The following DCC variants were observed in gnomAD, a reference collection of about 807,000 sequenced individuals.
DCC encodes DCC netrin 1 receptor.
Under a neutral mutation model 172.5 loss-of-function variants are expected in DCC, and 58 were observed. The observed-to-expected ratio is 0.34, with a 90% CI of 0.27 to 0.42. DCC has a LOEUF of 0.42. Ranked by LOEUF, DCC falls within the 10% of genes least tolerant of loss-of-function variation. The pLI, the probability that DCC is intolerant of heterozygous loss-of-function variation, is 1.00. For synonymous variants in DCC, 709 were observed against 644.5 expected (o/e 1.10, Z -1.52); for missense variants, 1,740 against 1,791.0 (o/e 0.97, Z 0.51).
In DCC at chr18:53,504,934, T is replaced by G. The variant is rs1020529873; in HGVS notation, c.4111+5424T>G. On this transcript the variant is annotated intron_variant, in intron 27 of 28. Transcript: ENST00000442544. ...TGTTTTTTTGTTTGTTTGTTTGTTT[T>G]TTTAACTAACTTTGAAGATAGATAG... Among the ~76,000 whole-genome samples, 67 of 152,306 alleles carry G rather than the reference T, an allele frequency of 4.4e-4. No homozygotes were observed. The East Asian group carries it at 5.4e-3, about 12-fold the overall frequency.
At chr18:53,180,715 G>T (rs142912166) in intron 9 of DCC, among the ~76,000 whole-genome samples, 3,096 of 152,206 alleles carry the variant, frequency 0.02, 47 homozygotes, top group Middle Eastern at 0.048. Context: ...CCAGACTGGA[G>T]TGCAGTGGCA....
chr18:52,706,720 G>A (rs543120873), intron 1 of DCC, among the ~76,000 whole-genome samples: 42 of 152,284 alleles, frequency 2.8e-4, no homozygotes, highest in African/African-American at 3.6e-4. Context: ...GGTACCAGGT[G>A]CTATGCTATG....
intron 7 of DCC, among the ~76,000 whole-genome samples, chr18:53,074,622 T>A (rs1317390026): frequency 1.2e-4 from 19 of 152,180 alleles, no homozygotes; most frequent in Admixed American, 6.5e-5. Context: ...TATTTTTTTT[T>A]ATTTTCTACT....
chr18:52,589,554 G>A (rs955546460), intron 1 of DCC, among the ~76,000 whole-genome samples: 6 of 152,162 alleles, frequency 3.9e-5, no homozygotes, highest in African/African-American at 1.4e-4. Flanking sequence ...AAGCAGAGAG[G>A]GAAGAGCCAG....
intron 1 of DCC, among the ~76,000 whole-genome samples, chr18:52,524,839 G>T (rs1306567166): frequency 6.6e-6 from 1 of 152,072 alleles, no homozygotes; most frequent in Admixed American, 6.6e-5. Context: ...TATAATAGAA[G>T]GCCAAGGGTA....
At chr18:53,203,272 T>C (rs2055572934) in intron 9 of DCC, among the ~76,000 whole-genome samples, 1 of 151,740 alleles carries the variant, frequency 6.6e-6, no homozygotes, top group Non-Finnish European at 1.5e-5. Flanking sequence ...GAAAGGAATA[T>C]TTTGGTATAT....
chr18:52,778,191 A>G (rs987687493), intron 2 of DCC, among the ~76,000 whole-genome samples: 2 of 152,234 alleles, frequency 1.3e-5, no homozygotes, highest in African/African-American at 4.8e-5. Flanking sequence ...AGAAGCTGCA[A>G]GTAAAGTTTT....
chr18:52,624,187 T>A (rs1489907369), intron 1 of DCC, among the ~76,000 whole-genome samples: 1 of 152,166 alleles, frequency 6.6e-6, no homozygotes, highest in African/African-American at 2.4e-5. Context: ...TCCTCATAAA[T>A]TGAAACAAAA....
intron 2 of DCC, among the ~76,000 whole-genome samples, chr18:52,883,394 GA>G (rs781543397): frequency 2.8e-5 from 1 of 36,070 alleles, no homozygotes; most frequent in Admixed American, 2.9e-4. Context: ...GTGTGTGTGA[GA>G]TCTCTTTCTG....
At chr18:52,582,015 T>G (rs1222457686) in intron 1 of DCC, among the ~76,000 whole-genome samples, 1 of 152,094 alleles carries the variant, frequency 6.6e-6, no homozygotes, top group Admixed American at 6.6e-5. Flanking sequence ...ATGCAACTTT[T>G]TATGATTCCT....
chr18:52,612,499 T>TA (rs1418670972), intron 1 of DCC, among the ~76,000 whole-genome samples: 1 of 152,070 alleles, frequency 6.6e-6, no homozygotes, highest in Non-Finnish European at 1.5e-5. Context: ...AATCTCTGCT[T>TA]AAAACCCTTC....
chr18:52,503,152 T>C (rs530633048), intron 1 of DCC, among the ~76,000 whole-genome samples: 1 of 152,282 alleles, frequency 6.6e-6, no homozygotes, highest in South Asian at 2.1e-4. Context: ...CTTAAAGTCA[T>C]ATATATCTCT....
intron 12 of DCC, among the ~76,000 whole-genome samples, chr18:53,288,456 G>A (rs2056961136): frequency 6.6e-6 from 1 of 152,006 alleles, no homozygotes; most frequent in Non-Finnish European, 1.5e-5. Flanking sequence ...TGTTAACATT[G>A]CTTGAAATAA....
chr18:52,927,099 G>GTA (rs369962995), intron 5 of DCC, among the ~76,000 whole-genome samples: 2,788 of 49,540 alleles, frequency 0.056, 908 homozygotes, highest in Non-Finnish European at 0.096. Flanking sequence ...GTATATACGT[G>GTA]TATATACACG....
chr18:52,480,783 A>T (rs968388314), intron 1 of DCC, among the ~76,000 whole-genome samples: 13 of 152,040 alleles, frequency 8.6e-5, no homozygotes, highest in African/African-American at 3.1e-4. Flanking sequence ...TCTTATTTGG[A>T]TTTCTTCCCT....
intron 12 of DCC, among the ~76,000 whole-genome samples, chr18:53,261,393 A>C (rs182162532): frequency 1.6e-4 from 25 of 152,264 alleles, no homozygotes; most frequent in African/African-American, 6.0e-4. Flanking sequence ...CACTAGCATC[A>C]GGGGAGAGAA....
At chr18:53,059,524 C>A (rs542545224) in intron 5 of DCC, among the ~76,000 whole-genome samples, 2 of 152,006 alleles carry the variant, frequency 1.3e-5, no homozygotes, top group Non-Finnish European at 2.9e-5. Context: ...ATGTTTAGAC[C>A]TTTTTAAGAC....
chr18:52,413,556 A>G (rs528254915), intron 1 of DCC, among the ~76,000 whole-genome samples: 1 of 151,628 alleles, frequency 6.6e-6, no homozygotes, highest in Non-Finnish European at 1.5e-5. Context: ...GTGGTTGAAT[A>G]TAGAGCAATT....
At chr18:53,504,400 G>T (rs145167000) in intron 27 of DCC, among the ~76,000 whole-genome samples, 2 of 152,298 alleles carry the variant, frequency 1.3e-5, no homozygotes, top group Non-Finnish European at 2.9e-5. Flanking sequence ...CATTGGCACA[G>T]CTAAATAGGA....
Sources: gnomAD v4.1 joint callset for allele counts (sites outside exome capture counted in the v4.1 genomes callset) on GRCh38, gnomAD v4.1.1 for gene constraint, MANE v1.5 for transcripts, NCBI Gene and HGNC (gene_info 2026-07-23, HGNC 2026-07-21) for gene names.